Variants in CRIM1 observed in about 807,000 individuals in gnomAD.
The protein encoded by CRIM1 is cysteine rich transmembrane BMP regulator 1, also known as cysteine-rich motor neuron 1 protein.
A neutral mutation model predicts 116.4 loss-of-function variants in CRIM1; 32 were observed. The observed-to-expected ratio is 0.27, with a 90% CI of 0.21 to 0.37. CRIM1 has a LOEUF of 0.37. Ranked by LOEUF, CRIM1 falls within the 10% of genes least tolerant of loss-of-function variation. The pLI, the probability that CRIM1 is intolerant of heterozygous loss-of-function variation, is 1.00. For missense variants in CRIM1, 1,331 were observed against 1,354.8 expected (o/e 0.98, Z 0.28); for synonymous variants, 590 against 509.2 (o/e 1.16, Z -2.13).
chr2:36,541,149 G>T (rs2125178389), intron 14 of CRIM1, among the ~76,000 whole-genome samples: 1 of 152,146 alleles, frequency 6.6e-6, no homozygotes, highest in Non-Finnish European at 1.5e-5. Context: ...TTCATTGTGT[G>T]ATCTTAGTCA....
chr2:36,455,611 A>G (rs1250020031), intron 4 of CRIM1, among the ~76,000 whole-genome samples: 1 of 152,180 alleles, frequency 6.6e-6, no homozygotes, highest in Non-Finnish European at 1.5e-5. Flanking sequence ...TGAGAGAGGA[A>G]AGCAACCATG....
At chr2:36,411,550 G>A (rs56322607) in intron 2 of CRIM1, among the ~76,000 whole-genome samples, 1,842 of 152,128 alleles carry the variant, frequency 0.012, 43 homozygotes, top group African/African-American at 0.043. Context: ...TGTCCCATGT[G>A]CATGTATGAA....
At chr2:36,546,871 A>G in intron 15 of CRIM1, 113 bp from the exon 16 acceptor site, 2 of 630,722 alleles carry the variant, frequency 3.2e-6, no homozygotes, top group Non-Finnish European at 5.4e-6. Flanking sequence ...TTTAGCCTCA[A>G]AAAACTGGGA....
At chr2:36,473,213 C>T (rs774139785) in intron 5 of CRIM1, among the ~76,000 whole-genome samples, 1 of 152,154 alleles carries the variant, frequency 6.6e-6, no homozygotes, top group Non-Finnish European at 1.5e-5. Flanking sequence ...GTATTTTAGA[C>T]ATGCAAGGGG....
In CRIM1 at chr2:36,406,481, G is replaced by A. The variant is rs187371302; in HGVS notation, c.505+9694G>A. ...GGTCCCTGACCCACCCGGAAGGTGAGGTTAAATGTGTTTTCCTTTGGTCAA... is the reference window on the plus strand; with the variant it reads ...GGTCCCTGACCCACCCGGAAGGTGAAGTTAAATGTGTTTTCCTTTGGTCAA... On this transcript the variant is annotated intron_variant, in intron 2 of 16. Coordinates refer to ENST00000280527, the MANE Select transcript of CRIM1 (RefSeq NM_016441.3). Among the ~76,000 whole-genome samples the A allele has an allele frequency of 2.9e-3, 435 of 152,216 alleles. 1 individual carries two copies. The highest frequency in any genetic ancestry group is 9.9e-3 in the African/African-American group (411 of 41,538).
chr2:36,364,832 TTGTGTG>T (rs765617860), intron 1 of CRIM1, among the ~76,000 whole-genome samples: 2 of 151,300 alleles, frequency 1.3e-5, no homozygotes, highest in African/African-American at 4.9e-5. Flanking sequence ...ATATATAAGA[TTGTGTG>T]TGTGTGTGTA....
intron 1 of CRIM1, among the ~76,000 whole-genome samples, chr2:36,367,629 C>T (rs999711564): frequency 6.6e-6 from 1 of 152,108 alleles, no homozygotes; most frequent in Non-Finnish European, 1.5e-5. Context: ...TCGAATATTA[C>T]CTTGTGTTTG....
intron 2 of CRIM1, among the ~76,000 whole-genome samples, chr2:36,417,037 G>C (rs975822070): frequency 2.0e-5 from 3 of 152,178 alleles, no homozygotes; most frequent in Admixed American, 1.3e-4. Flanking sequence ...GCAGGTAACA[G>C]ACGTGGCACC....
intron 2 of CRIM1, among the ~76,000 whole-genome samples, chr2:36,397,987 A>G (rs1249133789): frequency 6.6e-6 from 1 of 152,114 alleles, no homozygotes. Context: ...GACTTAAACA[A>G]TGCCATGGGT....
intron 1 of CRIM1, among the ~76,000 whole-genome samples, chr2:36,379,952 T>A (rs532906200): frequency 6.6e-6 from 1 of 151,486 alleles, no homozygotes; most frequent in African/African-American, 2.4e-5. Flanking sequence ...AGACATTTAG[T>A]TGAAGTACAG....
chr2:36,469,104 T>C (rs1475117504), intron 5 of CRIM1, among the ~76,000 whole-genome samples: 1 of 152,138 alleles, frequency 6.6e-6, no homozygotes, highest in Non-Finnish European at 1.5e-5. Flanking sequence ...GGGCCAGATA[T>C]ATATTGAGGC....
intron 12 of CRIM1, among the ~76,000 whole-genome samples, chr2:36,520,374 G>C (rs1572917238): frequency 6.6e-6 from 1 of 152,360 alleles, no homozygotes; most frequent in Non-Finnish European, 1.5e-5. Context: ...GAGATTTGCA[G>C]GGCCTAGTGT....
At chr2:36,441,629 C>T in intron 3 of CRIM1, 129 bp downstream of exon 3, 2 of 1,205,490 alleles carry the variant, frequency 1.7e-6, no homozygotes, top group Non-Finnish European at 2.3e-6. Context: ...GTGAATCTGC[C>T]ACTTTGGGCT....
intron 13 of CRIM1, among the ~76,000 whole-genome samples, chr2:36,532,930 CTTAA>C (rs1666215675): frequency 6.6e-6 from 1 of 152,272 alleles, no homozygotes; most frequent in Non-Finnish European, 1.5e-5. Flanking sequence ...AAGAACAAAA[CTTAA>C]TTGTCAGAAT....
intron 5 of CRIM1, among the ~76,000 whole-genome samples, chr2:36,469,857 C>A (rs1678353984): frequency 6.6e-6 from 1 of 152,140 alleles, no homozygotes; most frequent in African/African-American, 2.4e-5. Flanking sequence ...AAGAGTGATA[C>A]ACATTGTTGT....
chr2:36,425,386 A>T (rs1674373488), intron 2 of CRIM1, among the ~76,000 whole-genome samples: 1 of 152,238 alleles, frequency 6.6e-6, no homozygotes, highest in Non-Finnish European at 1.5e-5. Flanking sequence ...AAACTATTTC[A>T]CTAGGAGTAC....
At chr2:36,406,817 C>A (rs1672842585) in intron 2 of CRIM1, among the ~76,000 whole-genome samples, 1 of 152,124 alleles carries the variant, frequency 6.6e-6, no homozygotes, top group South Asian at 2.1e-4. Flanking sequence ...TTTTCTTAGG[C>A]TAGTTACATC....
At chr2:36,436,828 A>C (rs1675351666) in intron 2 of CRIM1, among the ~76,000 whole-genome samples, 1 of 152,222 alleles carries the variant, frequency 6.6e-6, no homozygotes, top group African/African-American at 2.4e-5. Context: ...TAAATTAAAA[A>C]AGAAAGCTCC....
chr2:36,464,026 G>C (rs1677794540), intron 4 of CRIM1, among the ~76,000 whole-genome samples: 1 of 152,084 alleles, frequency 6.6e-6, no homozygotes, highest in Admixed American at 6.5e-5. Flanking sequence ...ACACTGACAA[G>C]AAAATACTAA....
Sources: gnomAD v4.1 joint callset for allele counts (sites outside exome capture counted in the v4.1 genomes callset) on GRCh38, gnomAD v4.1.1 for gene constraint, MANE v1.5 for transcripts, NCBI Gene and HGNC (gene_info 2026-07-23, HGNC 2026-07-21) for gene names.